The following ATP9B variants were observed in gnomAD, a reference collection of about 807,000 sequenced individuals.
ATP9B encodes ATPase phospholipid transporting 9B.
In ATP9B, 110 loss-of-function variants were observed where a neutral mutation model predicts 146.1. The ratio of observed to expected loss-of-function variants is 0.75; its 90% CI spans 0.65 to 0.88. The LOEUF is 0.88. ATP9B is among the 40% of genes least tolerant of loss of function. The pLI is 0.00. For synonymous variants in ATP9B, 604 were observed against 569.7 expected, an observed-to-expected ratio of 1.06 and a Z score of -0.86; for missense variants, 1,499 against 1,496.4, an observed-to-expected ratio of 1.00 and a Z score of -0.03.
intron 13 of ATP9B, among the ~76,000 whole-genome samples, chr18:79,291,284 T>G (rs896307894): frequency 1.3e-5 from 2 of 152,196 alleles, no homozygotes; most frequent in African/African-American, 4.8e-5. Flanking sequence ...ACTCTTACTC[T>G]CTGGCTGCAT....
intron 4 of ATP9B, among the ~76,000 whole-genome samples, chr18:79,113,943 T>C (rs1416571747): frequency 6.6e-6 from 1 of 152,198 alleles, no homozygotes; most frequent in African/African-American, 2.4e-5. Flanking sequence ...TCTTTCCTCC[T>C]TTCATAGAAA....
At chr18:79,272,741 C>G (rs2145619407) in intron 12 of ATP9B, among the ~76,000 whole-genome samples, 1 of 152,342 alleles carries the variant, frequency 6.6e-6, no homozygotes, top group African/African-American at 2.4e-5. Flanking sequence ...CATTTCCTGT[C>G]ATTGATTACT....
rs2096615287 is a variant in ATP9B at position 79,305,438 on chromosome 18, AGCCAAACAC to A, written c.1525-1547_1525-1539del. 3.9e-5 allele frequency among the ~76,000 whole-genome samples: 6 copies of A among 152,234 alleles called. No homozygotes were observed. The South Asian group carries it at 1.2e-3, about 31-fold the overall frequency. On this transcript the variant is annotated intron_variant, in intron 14 of 29. Coordinates refer to ENST00000426216, the MANE Select transcript of ATP9B (RefSeq NM_198531.5). ...CATAAGCAAACAAACATACGTACACAGCCAAACACTTTATTATTTTGGATGTAATTCATT... is the reference window on the plus strand; with the variant it reads ...CATAAGCAAACAAACATACGTACACATTTATTATTTTGGATGTAATTCATT...
chr18:79,280,572 C>G (rs1486253299), intron 13 of ATP9B, among the ~76,000 whole-genome samples: 1 of 152,100 alleles, frequency 6.6e-6, no homozygotes, highest in African/African-American at 2.4e-5. Context: ...ATGTTTAGAT[C>G]TCTTTTTTTT....
chr18:79,173,559 G>A (rs1041033844), intron 7 of ATP9B: 1 of 391,864 alleles, frequency 2.6e-6, no homozygotes, highest in South Asian at 2.0e-5. Context: ...AAATGCTCTA[G>A]CGTCATTTAT....
chr18:79,215,633 G>A (rs932143986), intron 11 of ATP9B, among the ~76,000 whole-genome samples: 4 of 152,060 alleles, frequency 2.6e-5, no homozygotes, highest in Admixed American at 6.5e-5. Flanking sequence ...AATCACATAC[G>A]TATTTATATG....
chr18:79,199,810 G>C (rs892564236), intron 9 of ATP9B, among the ~76,000 whole-genome samples: 2 of 151,028 alleles, frequency 1.3e-5, no homozygotes, highest in Non-Finnish European at 3.0e-5. Flanking sequence ...ACACACATTA[G>C]CCTAGGCCTA....
At chr18:79,225,752 C>T (rs1373377981) in intron 11 of ATP9B, among the ~76,000 whole-genome samples, 1 of 130,690 alleles carries the variant, frequency 7.7e-6, no homozygotes, top group Admixed American at 7.6e-5. Context: ...GTCCCGCAGT[C>T]GCAGGGCGGC....
chr18:79,167,644 T>G (rs1050004667), intron 7 of ATP9B, among the ~76,000 whole-genome samples: 3 of 152,054 alleles, frequency 2.0e-5, no homozygotes, highest in African/African-American at 7.2e-5. Flanking sequence ...TTTTATGAAC[T>G]TAGAAGGGAG....
intron 17 of ATP9B, among the ~76,000 whole-genome samples, chr18:79,336,379 A>T (rs2096827183): frequency 1.3e-5 from 2 of 152,248 alleles, no homozygotes; most frequent in African/African-American, 4.8e-5. Flanking sequence ...CCCCAACTCC[A>T]TCCAGTGTCT....
At chr18:79,236,547 G>C (rs567260758) in intron 11 of ATP9B, among the ~76,000 whole-genome samples, 1 of 152,246 alleles carries the variant, frequency 6.6e-6, no homozygotes, top group East Asian at 1.9e-4. Context: ...GTCTTCTGAA[G>C]TTTTATTGTT....
chr18:79,191,735 T>A (rs1462521104), intron 8 of ATP9B, among the ~76,000 whole-genome samples: 1 of 152,246 alleles, frequency 6.6e-6, no homozygotes, highest in Non-Finnish European at 1.5e-5. Context: ...TTCTTTAAGA[T>A]GTGCTAAAGC....
intron 8 of ATP9B, among the ~76,000 whole-genome samples, chr18:79,188,444 T>G (rs1024945456): frequency 1.4e-4 from 21 of 152,220 alleles, no homozygotes; most frequent in Non-Finnish European, 8.8e-5. Context: ...CAACTGTGGT[T>G]CCTCTTACTG....
chr18:79,144,149 A>C (rs2094548513), intron 6 of ATP9B: 1 of 215,686 alleles, frequency 4.6e-6, no homozygotes, highest in Non-Finnish European at 9.1e-6. Flanking sequence ...ATTGTATTCA[A>C]ACCTGTTCAT....
intron 12 of ATP9B, 85 bp downstream of exon 12, chr18:79,253,626 A>G: frequency 2.2e-6 from 3 of 1,382,180 alleles, no homozygotes; most frequent in Admixed American, 2.6e-5. Flanking sequence ...TATGAAAGAA[A>G]TTACCCAAAC....
intron 15 of ATP9B, among the ~76,000 whole-genome samples, chr18:79,328,198 GTGGTTAGCA>G (rs2096771677): frequency 1.3e-5 from 2 of 152,010 alleles, no homozygotes; most frequent in African/African-American, 4.8e-5. Context: ...TGTGTTCTCC[GTGGTTAGCA>G]TGTTCCCCAT....
intron 8 of ATP9B, among the ~76,000 whole-genome samples, chr18:79,182,923 T>C (rs950607283): frequency 2.6e-5 from 4 of 152,186 alleles, no homozygotes; most frequent in Non-Finnish European, 5.9e-5. Context: ...AAGAAGTGGA[T>C]GTCAATTTTG....
chr18:79,272,225 A>C (rs926869457), intron 12 of ATP9B, among the ~76,000 whole-genome samples: 1 of 152,234 alleles, frequency 6.6e-6, no homozygotes. Context: ...CTTAGGACCC[A>C]AGACTACATT....
chr18:79,348,067 G>T, intron 24 of ATP9B, 65 bp from the exon 25 acceptor site: 1 of 1,603,248 alleles, frequency 6.2e-7, no homozygotes, highest in South Asian at 1.1e-5. Context: ...AGGCCCCTGA[G>T]AGGCTTGGGG....
Sources: allele counts gnomAD v4.1 joint callset (sites outside exome capture counted in the v4.1 genomes callset), GRCh38; gene constraint gnomAD v4.1.1; transcripts MANE v1.5; gene names NCBI Gene and HGNC (gene_info 2026-07-23, HGNC 2026-07-21).